The following PRR5L variants were observed in gnomAD, a reference collection of about 807,000 sequenced individuals.
PRR5L encodes the protein proline-rich protein 5-like.
Under a neutral mutation model 36.4 loss-of-function variants are expected in PRR5L, and 21 were observed. The observed-to-expected ratio is 0.58, with a 90% CI of 0.41 to 0.83. The LOEUF (loss-of-function observed/expected upper bound fraction) is 0.83, where lower values mean the gene tolerates loss of function less well. PRR5L is among the 40% of genes least tolerant of loss of function. PRR5L has a pLI of 0.00. For synonymous variants in PRR5L, 188 were observed against 197.0 expected (o/e 0.95, Z 0.38); for missense variants, 381 against 473.3 (o/e 0.80, Z 1.81).
intron 1 of PRR5L, among the ~76,000 whole-genome samples, chr11:36,316,393 A>G (rs1856557839): frequency 6.6e-6 from 1 of 152,238 alleles, no homozygotes; most frequent in Non-Finnish European, 1.5e-5. Flanking sequence ...TAATTCATGC[A>G]GAACCAGCTG....
At chr11:36,427,885 C>A (rs1858414123) in intron 4 of PRR5L, among the ~76,000 whole-genome samples, 1 of 152,224 alleles carries the variant, frequency 6.6e-6, no homozygotes, top group South Asian at 2.1e-4. Flanking sequence ...ATCTCCCCTT[C>A]CCACTGGCCT....
intron 1 of PRR5L, among the ~76,000 whole-genome samples, chr11:36,334,290 C>T (rs1856748184): frequency 1.3e-5 from 2 of 152,202 alleles, no homozygotes; most frequent in South Asian, 2.1e-4. Context: ...GTATTTTTGA[C>T]ACTGCCACTT....
At position 36,344,318 on chromosome 11, in the gene PRR5L, G is replaced by C. The variant is rs1320365229; in HGVS notation, c.-126+47880G>C. Among the ~76,000 whole-genome samples, 1 of 152,104 alleles carries C rather than the reference G, an allele frequency of 6.6e-6. No homozygotes were observed. Among genetic ancestry groups the C allele is most frequent in the Non-Finnish European group, 1.5e-5 (1 of 68,022 alleles). ...TCACAGAAAATCATGTTAAGTCTTG[G>C]TGTATTACTTCCAGACCTATTTCCA... On this transcript the variant is annotated intron_variant, in intron 1 of 8. Transcript: ENST00000530639. This position sits in a 1 kb window ranked among gnomAD's most constrained non-coding sequence, Gnocchi z 4.1.
chr11:36,303,599 G>T (rs1331301698), intron 1 of PRR5L, among the ~76,000 whole-genome samples: 1 of 152,018 alleles, frequency 6.6e-6, no homozygotes, highest in African/African-American at 2.4e-5. Context: ...ATCCTGACTT[G>T]ACTGGAAAAA....
chr11:36,410,262 C>A (rs888514480), intron 3 of PRR5L, among the ~76,000 whole-genome samples: 6 of 152,192 alleles, frequency 3.9e-5, no homozygotes, highest in Non-Finnish European at 8.8e-5. Context: ...CTCCAGGTTT[C>A]CGGCCTCTCT....
intron 3 of PRR5L, among the ~76,000 whole-genome samples, chr11:36,404,599 C>CGTTTCTGGA (rs570823044): frequency 2.6e-4 from 39 of 152,154 alleles, no homozygotes; most frequent in African/African-American, 9.4e-4. Context: ...GGTATTCATT[C>CGTTTCTGGA]GTTTCTGGAT....
intron 2 of PRR5L, among the ~76,000 whole-genome samples, chr11:36,402,217 C>T (rs1857811317): frequency 6.6e-6 from 1 of 152,110 alleles, no homozygotes; most frequent in Non-Finnish European, 1.5e-5. Context: ...TGACTGAATT[C>T]TTTGTAGTTT....
chr11:36,415,320 T>A (rs1858117862), intron 3 of PRR5L, among the ~76,000 whole-genome samples: 1 of 152,262 alleles, frequency 6.6e-6, no homozygotes, highest in Non-Finnish European at 1.5e-5. Context: ...CTTCAGGGAA[T>A]CAAGCTGGCT....
intron 1 of PRR5L, among the ~76,000 whole-genome samples, chr11:36,327,968 G>T (rs57949473): frequency 0.096 from 14,629 of 151,794 alleles, 1,292 homozygotes; most frequent in African/African-American, 0.24. Context: ...ATCTCCCTGG[G>T]TACATGTTCT....
At chr11:36,416,979 C>T (rs538507617) in intron 3 of PRR5L, among the ~76,000 whole-genome samples, 107 of 152,324 alleles carry the variant, frequency 7.0e-4, no homozygotes, top group Middle Eastern at 3.4e-3. Flanking sequence ...CTCCGTGCTG[C>T]TCTCCAGGAG....
intron 6 of PRR5L, among the ~76,000 whole-genome samples, chr11:36,437,947 T>C (rs1858640238): frequency 6.6e-6 from 1 of 152,202 alleles, no homozygotes; most frequent in Non-Finnish European, 1.5e-5. Flanking sequence ...TCCTACGTGA[T>C]TTAGTAGGAA....
intron 1 of PRR5L, chr11:36,379,341 T>C (rs1857331033): frequency 6.6e-6 from 1 of 151,710 alleles, no homozygotes; most frequent in Non-Finnish European, 1.5e-5. Context: ...CTGAAATCTC[T>C]CTTAAATTGC....
chr11:36,324,066 G>C (rs1856637498), intron 1 of PRR5L, among the ~76,000 whole-genome samples: 1 of 152,098 alleles, frequency 6.6e-6, no homozygotes, highest in Admixed American at 6.5e-5. Flanking sequence ...CAAGAGAAAT[G>C]GGTGTATATG....
intron 6 of PRR5L, among the ~76,000 whole-genome samples, chr11:36,439,935 A>T (rs1486262260): frequency 6.6e-6 from 1 of 152,136 alleles, no homozygotes; most frequent in Non-Finnish European, 1.5e-5. Flanking sequence ...TTTCCCCATC[A>T]AGCCTAAAAC....
At chr11:36,370,130 C>G (rs1000478593) in intron 1 of PRR5L, among the ~76,000 whole-genome samples, 1 of 152,162 alleles carries the variant, frequency 6.6e-6, no homozygotes, top group Non-Finnish European at 1.5e-5. Flanking sequence ...ATCTTGTCCC[C>G]CACCCCACCT....
intron 1 of PRR5L, among the ~76,000 whole-genome samples, chr11:36,354,425 G>C (rs1323608572): frequency 6.6e-6 from 1 of 152,202 alleles, no homozygotes; most frequent in Non-Finnish European, 1.5e-5. Context: ...CCATCTGGCT[G>C]TCCCTTATCA....
At chr11:36,413,999 G>A (rs1858086181) in intron 3 of PRR5L, among the ~76,000 whole-genome samples, 1 of 150,078 alleles carries the variant, frequency 6.7e-6, no homozygotes, top group Non-Finnish European at 1.5e-5. Context: ...TACTGAGAAT[G>A]ATGATTTCCA....
At chr11:36,301,609 T>C (rs1283586251) in intron 1 of PRR5L, among the ~76,000 whole-genome samples, 1 of 150,730 alleles carries the variant, frequency 6.6e-6, no homozygotes, top group African/African-American at 2.5e-5. Context: ...GCATGGGGGG[T>C]CGGGGTGTTG....
At chr11:36,321,927 T>TC (rs1856617266) in intron 1 of PRR5L, among the ~76,000 whole-genome samples, 1 of 152,146 alleles carries the variant, frequency 6.6e-6, no homozygotes, top group African/African-American at 2.4e-5. Context: ...AGGACACCGG[T>TC]CATATGGGGT....
Sources: gnomAD v4.1 joint callset for allele counts (sites outside exome capture counted in the v4.1 genomes callset) on GRCh38, gnomAD v4.1.1 for gene constraint, Gnocchi (gnomAD v3.1) non-coding constraint, MANE v1.5 for transcripts, NCBI Gene and HGNC (gene_info 2026-07-23, HGNC 2026-07-21) for gene names.